COL9A2: variants seen among roughly 807,000 people sequenced by gnomAD.
COL9A2 encodes collagen alpha-2(IX) chain.
Under a neutral mutation model 111.6 loss-of-function variants are expected in COL9A2, and 66 were observed. The ratio of observed to expected loss-of-function variants is 0.59; its 90% CI spans 0.48 to 0.73. The LOEUF (loss-of-function observed/expected upper bound fraction) is 0.73. Among genes scored for constraint, COL9A2 ranks in the 30% least tolerant of loss-of-function variants. COL9A2 has a pLI of 0.00. For synonymous variants in COL9A2, 353 were observed against 364.1 expected, an observed-to-expected ratio of 0.97 and a Z score of 0.35; for missense variants, 881 against 954.1, an observed-to-expected ratio of 0.92 and a Z score of 1.01.
chr1:40,303,525 C>A lies in COL9A2; in HGVS notation c.1548+5G>T. ...AAGCACCTCCTACCCCGGGGCCCGA[C>A]TCACCTCCACGCCCTGTCTCCCGGG... On this transcript the variant is annotated splice_donor_5th_base_variant and intron_variant, in intron 28 of 31. Coordinates refer to ENST00000372748, the MANE Select transcript of COL9A2 (RefSeq NM_001852.4). The surrounding 1 kb of genome is among the most constrained non-coding windows in gnomAD (Gnocchi z 4.6). 1 of 1,612,816 alleles carries A rather than the reference C, an allele frequency of 6.2e-7. No homozygotes were observed. Among genetic ancestry groups the A allele is most frequent in the Non-Finnish European group, 8.5e-7 (1 of 1,179,842 alleles).
At position 40,300,742 on chromosome 1, in the gene COL9A2, A is replaced by G. The variant is rs1350762600; in HGVS notation, c.*440T>C. Reference sequence around the variant, plus strand: ...TGGTAGGTCCAGAGAGTGAGATGGGATCAGGAACTGGCATAGACCTCAGTC... The same window carrying G: ...TGGTAGGTCCAGAGAGTGAGATGGGGTCAGGAACTGGCATAGACCTCAGTC... On this transcript the variant is annotated 3_prime_UTR_variant, in exon 32 of 32. Transcript: ENST00000372748. This position sits in a 1 kb window ranked among gnomAD's most constrained non-coding sequence, Gnocchi z 4.4. 1 of 167,616 alleles carries G rather than the reference A, an allele frequency of 6.0e-6. No individual in the cohort carries two copies. The highest frequency in any genetic ancestry group is 2.4e-5 in the African/African-American group (1 of 41,910). 10.4% of individuals were successfully genotyped at this position (167,616 alleles called of 1,614,324 possible).
In COL9A2 at chr1:40,317,193, G is replaced by T. The variant is rs939922562; in HGVS notation, c.5C>A (p.Ala2Asp). ...GCTGCGGGGGGAGGCCGTAGCGGCG[G>T]CCATGGCTGGCGGCGAGACCAAGGG... Reference protein sequence around the residue: MAAATASPRSLL... With the variant: MDAATASPRSLL... Residue 2 changes from alanine to aspartate, a missense_variant, in exon 1 of 32, where the codon GCC (alanine) becomes GAC (aspartate). By Grantham distance (126) the Ala-to-Asp change is moderately radical. Transcript: ENST00000372748. The surrounding 1 kb of genome is among the most constrained non-coding windows in gnomAD (Gnocchi z 4.3). 6.4e-6 allele frequency: 10 copies of T among 1,573,534 alleles called. No individual in the cohort carries two copies. The highest frequency in any genetic ancestry group is 2.4e-5 in the East Asian group (1 of 41,988).
At position 40,303,198 on chromosome 1, in the gene COL9A2, G is replaced by A. The variant is rs1225465529; in HGVS notation, c.1549-13C>T. ...TGGCATCCCGGCCCTGAAAGCAGAG[G>A]CCTTTCAGGAAGAAGCCCCTGGCTA... On this transcript the variant is annotated splice_polypyrimidine_tract_variant and intron_variant, in intron 28 of 31. Transcript: ENST00000372748. This position sits in a 1 kb window ranked among gnomAD's most constrained non-coding sequence, Gnocchi z 4.6. 11 of 1,608,176 alleles carry A rather than the reference G, an allele frequency of 6.8e-6. No homozygotes were observed. In the East Asian group the frequency reaches 2.5e-4, roughly 36 times the overall value.
In COL9A2 at chr1:40,301,275, C is replaced by G; in HGVS notation, c.1977G>C (p.Gly659=). 1 of 1,613,900 alleles carries G rather than the reference C, an allele frequency of 6.2e-7. No individual in the cohort carries two copies. Among genetic ancestry groups the G allele is most frequent in the South Asian group, 1.1e-5 (1 of 91,062 alleles). The change falls in exon 32 of 32, where the codon GGG becomes GGC. Residue 659 remains glycine, a synonymous_variant. Transcript: ENST00000372748. ...AGRPGLPGPV[G]LPGFCEPAAC... ...CGGCAGGTTCACAGAAGCCCGGCAG[C>G]CCCACGGGGCCTGGCAGGCCAGGTC...
At position 40,303,061 on chromosome 1, in the gene COL9A2, G is replaced by C; in HGVS notation, c.1603+70C>G. ...ATTTTCAGACAAGTGAACACGTGGA[G>C]GCTCCGGGAGGGGGTGAGGGGGCGG... is the stretch of plus-strand genomic sequence containing the variant. On this transcript the variant is annotated intron_variant, in intron 29 of 31. Transcript: ENST00000372748. This position sits in a 1 kb window ranked among gnomAD's most constrained non-coding sequence, Gnocchi z 4.6. 2 of 1,494,848 alleles carry C rather than the reference G, an allele frequency of 1.3e-6. No homozygotes were observed. Among genetic ancestry groups the C allele is most frequent in the Non-Finnish European group, 1.8e-6 (2 of 1,089,278 alleles). The allele number at this position is 1,494,848 out of a possible 1,614,324, so 92.6% of individuals were successfully genotyped here.
chr1:40,314,073 AG>A lies in COL9A2; in HGVS notation c.249+131del. On this transcript the variant is annotated intron_variant, in intron 4 of 31. Transcript: ENST00000372748. This position sits in a 1 kb window ranked among gnomAD's most constrained non-coding sequence, Gnocchi z 4.1. ...GAAGGTCACAAGTCATATCAAGGTG[AG>A]GGGGGCTCACAGCTGGAGAATCTCC... 3.0e-6 allele frequency: 3 copies of A among 1,002,512 alleles called. No individual in the cohort carries two copies. Among genetic ancestry groups the A allele is most frequent in the Non-Finnish European group, 4.8e-6 (3 of 626,826 alleles). The allele number at this position is 1,002,512 out of a possible 1,614,324, so 62.1% of individuals were successfully genotyped here. A position where few individuals can be genotyped will look rare whatever the true frequency, so the allele number is the denominator to read the frequency against.
In COL9A2 at chr1:40,307,798, A is replaced by T. The variant is rs370919095; in HGVS notation, c.901-42T>A. ...TTCAAGGGAGAGTGATAATGCGGAGATGTCTGGGGTCTGGCCACCCACCCC... is the reference window on the plus strand; with the variant it reads ...TTCAAGGGAGAGTGATAATGCGGAGTTGTCTGGGGTCTGGCCACCCACCCC... On this transcript the variant is annotated intron_variant, in intron 17 of 31. Transcript: ENST00000372748. The surrounding 1 kb of genome is among the most constrained non-coding windows in gnomAD (Gnocchi z 4.8). The T allele has an allele frequency of 7.5e-6, 12 of 1,607,220 alleles. No homozygotes were observed. The highest frequency in any genetic ancestry group is 4.0e-5 in the African/African-American group (3 of 74,742).
At position 40,311,955 on chromosome 1, in the gene COL9A2, C is replaced by G. The variant is rs1397724703; in HGVS notation, c.417+104G>C. On this transcript the variant is annotated intron_variant, in intron 8 of 31. Coordinates refer to ENST00000372748, the MANE Select transcript of COL9A2 (RefSeq NM_001852.4). This position sits in a 1 kb window ranked among gnomAD's most constrained non-coding sequence, Gnocchi z 5.1. Reference sequence around the variant, plus strand: ...TCTGCCCCAGACCTGGAGGAGTTTCCCAGTGGCCAGGAGCAGGCCCAGGAA... The same window carrying G: ...TCTGCCCCAGACCTGGAGGAGTTTCGCAGTGGCCAGGAGCAGGCCCAGGAA... The G allele has an allele frequency of 7.7e-7, 1 of 1,296,348 alleles. No homozygotes were observed. Among genetic ancestry groups the G allele is most frequent in the Non-Finnish European group, 1.1e-6 (1 of 913,864 alleles). The allele number at this position is 1,296,348 out of a possible 1,614,324, so 80.3% of individuals were successfully genotyped here.
rs375575073 is a variant in COL9A2, at chr1:40,312,630, G to C, written c.304-21C>G. 3 of 1,613,498 alleles carry C rather than the reference G, an allele frequency of 1.9e-6. No homozygotes were observed. The highest frequency in any genetic ancestry group is 4.5e-5 in the East Asian group (2 of 44,874). On this transcript the variant is annotated intron_variant, in intron 5 of 31. Coordinates refer to ENST00000372748, the MANE Select transcript of COL9A2 (RefSeq NM_001852.4). The surrounding 1 kb of genome is among the most constrained non-coding windows in gnomAD (Gnocchi z 6.0). ...TGGCCCTGCAGAAGCAACGAGAAAG[G>C]CTCAGAGGCTGGGGTTTCCCCGGCT...
chr1:40,303,028 G>T lies in COL9A2; in HGVS notation c.1603+103C>A. 7.7e-7 allele frequency: 1 copy of T among 1,291,548 alleles called. No homozygotes were observed. The allele number at this position is 1,291,548 out of a possible 1,614,324, so 80.0% of individuals were successfully genotyped here. On this transcript the variant is annotated intron_variant, in intron 29 of 31. Transcript: ENST00000372748. This position sits in a 1 kb window ranked among gnomAD's most constrained non-coding sequence, Gnocchi z 4.6. ...AGACTGGACTGGAAGGAGCCCCCAG[G>T]ACTCCAGATTTTCAGACAAGTGAAC...
In COL9A2 at chr1:40,317,227, G is replaced by A; in HGVS notation, c.-30C>T. On this transcript the variant is annotated 5_prime_UTR_variant, in exon 1 of 32. Coordinates refer to ENST00000372748, the MANE Select transcript of COL9A2 (RefSeq NM_001852.4). This position sits in a 1 kb window ranked among gnomAD's most constrained non-coding sequence, Gnocchi z 4.3. ...GGCGGCGAGACCAAGGGGGACGGGT[G>A]CGTGTCCGCGCACGCACCGACGGCA... 2 of 1,543,386 alleles carry A rather than the reference G, an allele frequency of 1.3e-6. No individual in the cohort carries two copies. Among genetic ancestry groups the A allele is most frequent in the Middle Eastern group, 1.8e-4 (1 of 5,652 alleles).
intron 19 of COL9A2, among the ~76,000 whole-genome samples, chr1:40,306,628 C>T (rs140328018): frequency 0.017 from 2,618 of 152,098 alleles, 231 homozygotes; most frequent in Admixed American, 0.15. Flanking sequence ...AACAGAGGGA[C>T]CAGCAAAGGC....
rs1010523208 is a variant in COL9A2 at position 40,317,108 on chromosome 1, G to A, written c.75+15C>T. The stretch of plus-strand genomic sequence containing the variant: ...GCACCCTGGACCCTGGCAGCGGAGG[G>A]GCTGCGAAACTTACAATCTGCGCCA... On this transcript the variant is annotated intron_variant, in intron 1 of 31. Transcript: ENST00000372748. The surrounding 1 kb of genome is among the most constrained non-coding windows in gnomAD (Gnocchi z 4.3). 1 of 1,560,672 alleles carries A rather than the reference G, an allele frequency of 6.4e-7. No homozygotes were observed. Among genetic ancestry groups the A allele is most frequent in the African/African-American group, 1.4e-5 (1 of 73,394 alleles).
In COL9A2 at chr1:40,304,354, C is replaced by A; in HGVS notation, c.1253G>T (p.Gly418Val). 6.3e-7 allele frequency: 1 copy of A among 1,577,598 alleles called. No individual in the cohort carries two copies. The highest frequency in any genetic ancestry group is 8.6e-7 in the Non-Finnish European group (1 of 1,160,720). ...TTTGACGCCTGGCAAGCCTTGGGGC[C>A]CTGGAATTCCGGGGGGGCCCTGCTC... ...KGEQGPPGIP[G>V]PQGLPGVKGD... Residue 418 changes from glycine (G) to valine (V), a missense_variant, in exon 24 of 32, where the codon GGG (glycine) becomes GTG (valine). Transcript: ENST00000372748.
rs188050591 is a variant in COL9A2, at chr1:40,305,302, G to A, written c.1107+413C>T. 6.5e-3 allele frequency among the ~76,000 whole-genome samples: 993 copies of A among 152,160 alleles called. 5 individuals are homozygous for A. The highest frequency in any genetic ancestry group is 0.012 in the Non-Finnish European group (820 of 67,988). Reference sequence around the variant, plus strand: ...GATCTCCTGACCTCGTGATCCACCCGCCTCAGCCTCCCAAAATGCTGGGAT... The same window carrying A: ...GATCTCCTGACCTCGTGATCCACCCACCTCAGCCTCCCAAAATGCTGGGAT... On this transcript the variant is annotated intron_variant, in intron 21 of 31. Coordinates refer to ENST00000372748, the MANE Select transcript of COL9A2 (RefSeq NM_001852.4).
At position 40,304,345 on chromosome 1, in the gene COL9A2, C is replaced by G; in HGVS notation, c.1262G>C (p.Gly421Ala). The change falls in exon 24 of 32, where the codon GGC becomes GCC. Residue 421 changes from glycine to alanine, a missense_variant. Coordinates refer to ENST00000372748, the MANE Select transcript of COL9A2 (RefSeq NM_001852.4). Reference protein sequence around the residue: ...QGPPGIPGPQGLPGVKGDKGS... With the variant: ...QGPPGIPGPQALPGVKGDKGS... ...CTTGTCTCCTTTGACGCCTGGCAAG[C>G]CTTGGGGCCCTGGAATTCCGGGGGG... 1 of 1,572,530 alleles carries G rather than the reference C, an allele frequency of 6.4e-7. No homozygotes were observed.
In COL9A2 at chr1:40,300,924, G is replaced by A. The variant is rs1477734335; in HGVS notation, c.*258C>T. 2 of 492,320 alleles carry A rather than the reference G, an allele frequency of 4.1e-6. No individual in the cohort carries two copies. Among genetic ancestry groups the A allele is most frequent in the Admixed American group, 6.7e-5 (2 of 29,902 alleles). The allele number at this position is 492,320 out of a possible 1,614,324, so 30.5% of individuals were successfully genotyped here. ...ACAGCCGAATGATGCTCGCTGGAAG[G>A]AAAGCCGCCCTATTCCTTCAGCGCT... is the stretch of plus-strand genomic sequence containing the variant. On this transcript the variant is annotated 3_prime_UTR_variant, in exon 32 of 32. Coordinates refer to ENST00000372748, the MANE Select transcript of COL9A2 (RefSeq NM_001852.4). The surrounding 1 kb of genome is among the most constrained non-coding windows in gnomAD (Gnocchi z 4.4).
Position 40,308,258 on chromosome 1 carries a change from G to C in COL9A2, c.847-13C>G, listed in dbSNP as rs1324057489. The C allele has an allele frequency of 1.9e-6, 3 of 1,613,242 alleles. No individual in the cohort carries two copies. In the East Asian group the frequency reaches 6.7e-5, roughly 36 times the overall value. On this transcript the variant is annotated splice_polypyrimidine_tract_variant and intron_variant, in intron 16 of 31. Transcript: ENST00000372748. ...TACCTGGGCTGCCCTGCAAAGCGGA[G>C]AGAGATCAGGTCACCCTCAGGATGT... is the stretch of plus-strand genomic sequence containing the variant.
Position 40,303,105 on chromosome 1 carries a change from T to G in COL9A2, c.1603+26A>C. 6.2e-7 allele frequency: 1 copy of G among 1,609,472 alleles called. No individual in the cohort carries two copies. The highest frequency in any genetic ancestry group is 8.5e-7 in the Non-Finnish European group (1 of 1,178,008). ...GGGGCGGCGATGCCCTCGAACTGAC[T>G]GTGAGGAGGGGTTGCTGCCCCTCAC... On this transcript the variant is annotated intron_variant, in intron 29 of 31. Transcript: ENST00000372748. The surrounding 1 kb of genome is among the most constrained non-coding windows in gnomAD (Gnocchi z 4.6).
Sources: gnomAD v4.1 joint callset for allele counts (sites outside exome capture counted in the v4.1 genomes callset) on GRCh38, gnomAD v4.1.1 for gene constraint, Gnocchi (gnomAD v3.1) non-coding constraint, MANE v1.5 for transcripts, NCBI Gene and HGNC (gene_info 2026-07-23, HGNC 2026-07-21) for gene names.